FOXP3: variants seen among roughly 807,000 people sequenced by gnomAD.
FOXP3 encodes the protein forkhead box protein P3.
Under a neutral mutation model 31.2 loss-of-function variants are expected in FOXP3, and 5 were observed. That is an observed-to-expected ratio of 0.16 (90% CI 0.08 to 0.34). The LOEUF is 0.34. Among genes scored for constraint, FOXP3 ranks in the 10% least tolerant of loss-of-function variants. The pLI, the probability that FOXP3 is intolerant of heterozygous loss-of-function variation, is 1.00. For synonymous variants in FOXP3, 141 were observed against 148.8 expected (o/e 0.95, Z 0.38); for missense variants, 251 against 363.0 (o/e 0.69, Z 2.51).
chrX:49,251,247 C>T lies in FOXP3; in HGVS notation c.*87G>A. The T allele has an allele frequency of 9.3e-7, 1 of 1,073,014 alleles. No homozygotes were observed. The highest frequency in any genetic ancestry group is 1.3e-6 in the Non-Finnish European group (1 of 786,464). 88.4% of individuals were successfully genotyped at this position (1,073,014 alleles called of 1,213,427 possible). ...CACTTCTTGGTCCCTGTGGGCACAT[C>T]CAGGGCCTATCATCCCTGCCCCCAC... is the stretch of plus-strand genomic sequence containing the variant. On this transcript the variant is annotated 3_prime_UTR_variant, in exon 12 of 12. Coordinates refer to ENST00000376207, the MANE Select transcript of FOXP3 (RefSeq NM_014009.4).
intron 1 of FOXP3, among the ~76,000 whole-genome samples, chrX:49,261,403 T>C (rs782587697): frequency 8.9e-6 from 1 of 112,148 alleles, no homozygotes; most frequent in African/African-American, 3.2e-5. Context: ...GAGGAGGAGG[T>C]TGAGGCTGGT....
chrX:49,264,454 T>G (rs1456395509), intron 1 of FOXP3, among the ~76,000 whole-genome samples: 7 of 112,565 alleles, frequency 6.2e-5, no homozygotes, highest in Non-Finnish European at 1.3e-4. Flanking sequence ...TCATTTATTT[T>G]TGCCCCTGCC....
At chrX:49,259,970 G>C (rs1557116999) in intron 1 of FOXP3, among the ~76,000 whole-genome samples, 1 of 111,486 alleles carries the variant, frequency 9.0e-6, no homozygotes, top group African/African-American at 3.3e-5. Context: ...GGGAGCAGTT[G>C]CTCCTTCCTT....
intron 1 of FOXP3, among the ~76,000 whole-genome samples, chrX:49,260,826 C>T (rs368656083): frequency 2.7e-4 from 31 of 113,061 alleles, no homozygotes; most frequent in Admixed American, 1.4e-3. Flanking sequence ...CGGGCTTCAT[C>T]GACACCACGG....
chrX:49,258,271 C>T, intron 2 of FOXP3, 25 bp downstream of exon 2: 2 of 1,130,872 alleles, frequency 1.8e-6, no homozygotes, highest in African/African-American at 1.8e-5. Flanking sequence ...ACCCTGCCTG[C>T]CCCATCCTGG....
intron 8 of FOXP3, among the ~76,000 whole-genome samples, chrX:49,254,644 CT>C (rs1268316472): frequency 9.0e-6 from 1 of 111,700 alleles, no homozygotes; most frequent in Non-Finnish European, 1.9e-5. Flanking sequence ...CTAAACCCCC[CT>C]GGCCTCAATA....
intron 2 of FOXP3, 145 bp from the exon 3 acceptor site, chrX:49,257,913 C>A: frequency 2.0e-6 from 1 of 507,700 alleles, no homozygotes; most frequent in South Asian, 3.1e-5. Flanking sequence ...TCATGGAGAT[C>A]GAGTAACTTT....
At chrX:49,258,003 T>G (rs2066085489) in intron 2 of FOXP3, among the ~76,000 whole-genome samples, 1 of 112,192 alleles carries the variant, frequency 8.9e-6, no homozygotes, top group Admixed American at 9.4e-5. Context: ...TCCTCTTCTC[T>G]TGTCACATGG....
At chrX:49,258,636 G>T in intron 1 of FOXP3, 109 bp from the exon 2 acceptor site, 1 of 625,164 alleles carries the variant, frequency 1.6e-6, no homozygotes, top group Non-Finnish European at 2.4e-6. Flanking sequence ...CATTGGCTGG[G>T]ACATGTCCCG....
Position 49,256,190 on chromosome X carries a change from T to TTG in FOXP3, c.648-390_648-389dup, listed in dbSNP as rs1228680537. Among the ~76,000 whole-genome samples, 497 of 92,402 alleles carry TTG rather than the reference T, an allele frequency of 5.4e-3. 4 individuals are homozygous for TTG. The highest frequency in any genetic ancestry group is 0.018 in the African/African-American group (416 of 22,962). The allele number at this position is 92,402 out of a possible 115,157, so 80.2% of individuals were successfully genotyped here. A position where few individuals can be genotyped will look rare whatever the true frequency, so the allele number is the denominator to read the frequency against. Reference sequence around the variant, plus strand: ...GGGTTGTGTGTAGTGTGGTGTGTATTTGTGTGTGTGTGTGTGTGAGAGAGA... The same window carrying TTG: ...GGGTTGTGTGTAGTGTGGTGTGTATTTGTGTGTGTGTGTGTGTGTGAGAGAGA... On this transcript the variant is annotated intron_variant, in intron 6 of 11. Coordinates refer to ENST00000376207, the MANE Select transcript of FOXP3 (RefSeq NM_014009.4).
chrX:49,261,177 G>A (rs1445629891), intron 1 of FOXP3, among the ~76,000 whole-genome samples: 2 of 112,580 alleles, frequency 1.8e-5, no homozygotes, highest in African/African-American at 6.5e-5. Flanking sequence ...AGACTGTGGG[G>A]TCTACGGTCC....
At chrX:49,260,437 T>C (rs2066103186) in intron 1 of FOXP3, among the ~76,000 whole-genome samples, 1 of 112,546 alleles carries the variant, frequency 8.9e-6, no homozygotes, top group East Asian at 2.8e-4. Context: ...AAATGGATGT[T>C]TTCCACCACT....
At chrX:49,259,021 C>T (rs2066094310) in intron 1 of FOXP3, among the ~76,000 whole-genome samples, 1 of 112,226 alleles carries the variant, frequency 8.9e-6, no homozygotes, top group African/African-American at 3.2e-5. Flanking sequence ...AGTGAGGAGG[C>T]TATTGTAACA....
Position 49,258,333 on chromosome X carries a change from G to A in FOXP3, c.173C>T (p.Ser58Phe). 1.7e-6 allele frequency: 2 copies of A among 1,166,831 alleles called. No homozygotes were observed. The highest frequency in any genetic ancestry group is 1.9e-5 in the South Asian group (1 of 52,705). The change falls in exon 2 of 12, where the codon TCT (serine) becomes TTT (phenylalanine). Residue 58 changes from serine to phenylalanine, a missense_variant. Around this residue, in one of 4 missense-constraint regions of FOXP3, gnomAD observed 152 missense variants for 188.1 expected, o/e 0.81. Transcript: ENST00000376207. ...TGGTGGCATGGGGTTCAAGGAAGAAGAGGAGGCATGGGCCCCGCCTCGAAG... is the reference window on the plus strand; with the variant it reads ...TGGTGGCATGGGGTTCAAGGAAGAAAAGGAGGCATGGGCCCCGCCTCGAAG... Reference protein sequence around the residue: ...RDLRGGAHASSSSLNPMPPSQ... With the variant: ...RDLRGGAHASFSSLNPMPPSQ...
chrX:49,252,755 G>A (rs1557115744), intron 10 of FOXP3, among the ~76,000 whole-genome samples: 3 of 109,906 alleles, frequency 2.7e-5, no homozygotes, highest in African/African-American at 1.0e-4. Context: ...GGCTGGGGAA[G>A]GAGTTAGAGT....
intron 6 of FOXP3, among the ~76,000 whole-genome samples, chrX:49,256,433 G>A (rs1557116362): frequency 9.0e-6 from 1 of 110,897 alleles, no homozygotes; most frequent in East Asian, 2.8e-4. Context: ...TCCCAGCTCT[G>A]TCACTCAGGA....
At chrX:49,256,536 T>C (rs1193279424) in intron 6 of FOXP3, among the ~76,000 whole-genome samples, 1 of 112,218 alleles carries the variant, frequency 8.9e-6, no homozygotes, top group Non-Finnish European at 1.9e-5. Flanking sequence ...CGTTTCTTAT[T>C]ATACATACGA....
chrX:49,260,543 C>A (rs1557117069), intron 1 of FOXP3, among the ~76,000 whole-genome samples: 1 of 112,481 alleles, frequency 8.9e-6, no homozygotes, highest in African/African-American at 3.2e-5. Flanking sequence ...TGTGGGATGG[C>A]CTGACTCAGC....
chrX:49,253,335 G>A (rs2066046398), intron 9 of FOXP3, 133 bp from the exon 10 acceptor site: 1 of 510,759 alleles, frequency 2.0e-6, no homozygotes, highest in Non-Finnish European at 3.5e-6. Context: ...CACAGGTACT[G>A]TTTGCTGAGC....
Sources: gnomAD v4.1 joint callset for allele counts (sites outside exome capture counted in the v4.1 genomes callset) on GRCh38, gnomAD v4.1.1 for gene constraint, gnomAD v4.1.1 regional missense constraint, MANE v1.5 for transcripts, NCBI Gene and HGNC (gene_info 2026-07-23, HGNC 2026-07-21) for gene names.